The following FOXP1 variants were observed in gnomAD, a reference collection of about 807,000 sequenced individuals.
FOXP1 encodes forkhead box protein P1.
In FOXP1, 15 loss-of-function variants were observed where a neutral mutation model predicts 98.2. The observed-to-expected ratio is 0.15, with a 90% CI of 0.10 to 0.24. The LOEUF is 0.24. Among genes scored for constraint, FOXP1 ranks in the 10% least tolerant of loss-of-function variants. The pLI, the probability that FOXP1 is intolerant of heterozygous loss-of-function variation, is 1.00. For synonymous variants in FOXP1, 371 were observed against 314.5 expected, an observed-to-expected ratio of 1.18 and a Z score of -1.90; for missense variants, 633 against 848.5, an observed-to-expected ratio of 0.75 and a Z score of 3.15.
At chr3:71,342,554 G>A (rs895357936) in intron 4 of FOXP1, among the ~76,000 whole-genome samples, 2 of 152,136 alleles carry the variant, frequency 1.3e-5, no homozygotes, top group African/African-American at 2.4e-5. Flanking sequence ...TTAGCCGGTC[G>A]TGGTGGCAGA....
intron 1 of FOXP1, among the ~76,000 whole-genome samples, chr3:71,583,060 A>C (rs2048315965): frequency 6.6e-6 from 1 of 151,504 alleles, no homozygotes; most frequent in Non-Finnish European, 1.5e-5. Flanking sequence ...CGCGGCCAGG[A>C]CCCGGGACCC....
chr3:71,448,651 C>T (rs1034512900), intron 3 of FOXP1, among the ~76,000 whole-genome samples: 5 of 152,136 alleles, frequency 3.3e-5, no homozygotes, highest in African/African-American at 4.8e-5. Context: ...TAAAATGGGA[C>T]GCATTCAAGA....
chr3:71,496,441 G>A (rs554583429), intron 2 of FOXP1, among the ~76,000 whole-genome samples: 20 of 152,296 alleles, frequency 1.3e-4, no homozygotes, highest in Non-Finnish European at 2.2e-4. Context: ...TGAGGAGAGG[G>A]CTGGTGGAGG....
intron 13 of FOXP1, among the ~76,000 whole-genome samples, chr3:70,989,221 A>G (rs2040229650): frequency 6.6e-6 from 1 of 152,210 alleles, no homozygotes; most frequent in Admixed American, 6.5e-5. Context: ...GAGAAAAGGG[A>G]AACCGTACAA....
chr3:71,508,675 G>C (rs1285144558), intron 2 of FOXP1, among the ~76,000 whole-genome samples: 1 of 152,158 alleles, frequency 6.6e-6, no homozygotes, highest in Non-Finnish European at 1.5e-5. Context: ...CCAAAACATC[G>C]TTAAGGCAAT....
At chr3:71,019,846 AAAAACAAAAC>A (rs57192818) in intron 11 of FOXP1, among the ~76,000 whole-genome samples, 12,844 of 151,802 alleles carry the variant, frequency 0.085, 630 homozygotes, top group African/African-American at 0.14. Flanking sequence ...CCCCCCCAAA[AAAAACAAAAC>A]AAAACAAAAC....
intron 13 of FOXP1, among the ~76,000 whole-genome samples, chr3:70,988,446 G>C (rs547750228): frequency 5.4e-4 from 82 of 152,360 alleles, no homozygotes; most frequent in African/African-American, 1.9e-3. Flanking sequence ...TTCATCTGTT[G>C]TGGTTGTGGA....
intron 4 of FOXP1, among the ~76,000 whole-genome samples, chr3:71,303,442 C>A (rs893846277): frequency 6.6e-6 from 1 of 152,096 alleles, no homozygotes; most frequent in Non-Finnish European, 1.5e-5. Flanking sequence ...CTTCCCATAC[C>A]CCCAAATCCT....
chr3:71,151,445 C>T (rs972882271), intron 6 of FOXP1, among the ~76,000 whole-genome samples: 6 of 152,176 alleles, frequency 3.9e-5, no homozygotes, highest in Admixed American at 6.5e-5. Context: ...CTGAATGCTG[C>T]TCATCTGCCT....
intron 3 of FOXP1, among the ~76,000 whole-genome samples, chr3:71,376,800 A>T (rs887009773): frequency 6.6e-6 from 1 of 152,182 alleles, no homozygotes; most frequent in Non-Finnish European, 1.5e-5. Context: ...ATGGAGTTGG[A>T]GGATGATTTT....
intron 5 of FOXP1, among the ~76,000 whole-genome samples, chr3:71,214,795 G>A (rs2064793538): frequency 1.3e-5 from 2 of 152,160 alleles, no homozygotes; most frequent in Non-Finnish European, 2.9e-5. Context: ...ACCAATTGAT[G>A]AGAAGAGCCA....
intron 3 of FOXP1, among the ~76,000 whole-genome samples, chr3:71,428,666 G>A (rs951708362): frequency 1.3e-5 from 2 of 152,218 alleles, no homozygotes; most frequent in Non-Finnish European, 2.9e-5. Flanking sequence ...GGTTTGAAAA[G>A]AGCCCTTCAA....
intron 2 of FOXP1, among the ~76,000 whole-genome samples, chr3:71,539,367 T>C (rs372860481): frequency 1.3e-5 from 2 of 150,172 alleles, no homozygotes; most frequent in Admixed American, 1.3e-4. Context: ...GTGATCCACC[T>C]GCCTCAGCCT....
At chr3:71,363,433 G>T (rs2078709091) in intron 3 of FOXP1, among the ~76,000 whole-genome samples, 1 of 152,192 alleles carries the variant, frequency 6.6e-6, no homozygotes, top group Admixed American at 6.5e-5. Context: ...TACTCACTCT[G>T]AGATAGATCT....
intron 4 of FOXP1, among the ~76,000 whole-genome samples, chr3:71,347,689 C>G (rs1341625874): frequency 6.6e-6 from 1 of 151,996 alleles, no homozygotes; most frequent in Non-Finnish European, 1.5e-5. Flanking sequence ...GGTTCGAGAC[C>G]AGCCTGACCA....
At position 71,018,133 on chromosome 3, in the gene FOXP1, G is replaced by A. The variant is rs546458072; in HGVS notation, c.870-2480C>T. Among the ~76,000 whole-genome samples the A allele has an allele frequency of 3.9e-5, 6 of 152,296 alleles. No individual in the cohort carries two copies. The South Asian group carries it at 1.0e-3, about 26-fold the overall frequency. The stretch of plus-strand genomic sequence containing the variant: ...TAGCAGGGTTTTGGACTCGAAATGT[G>A]TAGAATTTAACACGATGTTTGCTGT... On this transcript the variant is annotated intron_variant, in intron 11 of 20. Transcript: ENST00000649528.
intron 6 of FOXP1, among the ~76,000 whole-genome samples, chr3:71,137,944 C>A (rs556280567): frequency 6.6e-6 from 1 of 152,192 alleles, no homozygotes; most frequent in South Asian, 2.1e-4. Context: ...ACCAGCCAGG[C>A]CCTCAAGGAC....
At chr3:71,008,571 T>C (rs944348493) in intron 12 of FOXP1, among the ~76,000 whole-genome samples, 2 of 152,142 alleles carry the variant, frequency 1.3e-5, no homozygotes, top group Admixed American at 6.6e-5. Flanking sequence ...TGATAACTCA[T>C]GGTTGATAGA....
intron 11 of FOXP1, among the ~76,000 whole-genome samples, chr3:71,040,919 T>A (rs1171445237): frequency 6.6e-6 from 1 of 152,066 alleles, no homozygotes; most frequent in Non-Finnish European, 1.5e-5. Context: ...TAGAGTAACA[T>A]AAGTTCTATG....
Sources: gnomAD v4.1 joint callset for allele counts (sites outside exome capture counted in the v4.1 genomes callset) on GRCh38, gnomAD v4.1.1 for gene constraint, MANE v1.5 for transcripts, NCBI Gene and HGNC (gene_info 2026-07-23, HGNC 2026-07-21) for gene names.